The following TANC2 variants were observed in gnomAD, a reference collection of about 807,000 sequenced individuals.
TANC2 encodes the protein protein TANC2.
Under a neutral mutation model 210.5 loss-of-function variants are expected in TANC2, and 26 were observed. That is an observed-to-expected ratio of 0.12 (90% confidence interval 0.09 to 0.17). The LOEUF (loss-of-function observed/expected upper bound fraction) is 0.17. Ranked by LOEUF, TANC2 falls within the 10% of genes least tolerant of loss-of-function variation. The pLI, the probability that TANC2 is intolerant of heterozygous loss-of-function variation, is 1.00. For missense variants in TANC2, 2,129 were observed against 2,608.9 expected (o/e 0.82, Z 4.01); for synonymous variants, 931 against 967.1 (o/e 0.96, Z 0.69).
At chr17:63,105,264 A>G (rs1174696183) in intron 4 of TANC2, among the ~76,000 whole-genome samples, 1 of 151,678 alleles carries the variant, frequency 6.6e-6, no homozygotes, top group East Asian at 1.9e-4. Context: ...CCATGTGGCA[A>G]TCCAATTTGG....
At chr17:63,121,070 A>G (rs942233985) in intron 4 of TANC2, among the ~76,000 whole-genome samples, 1 of 152,098 alleles carries the variant, frequency 6.6e-6, no homozygotes, top group Non-Finnish European at 1.5e-5. Context: ...TTAGAAAATA[A>G]ATACCTCATT....
intron 8 of TANC2, among the ~76,000 whole-genome samples, chr17:63,249,306 A>G (rs2042995376): frequency 6.6e-6 from 1 of 152,194 alleles, no homozygotes; most frequent in Admixed American, 6.6e-5. Context: ...TGTTTTCAAA[A>G]TGTAAATTGC....
rs571172610 is a variant in TANC2 at position 62,978,355 on chromosome 17, G to A, written c.-24+11606G>A. 4 of 152,184 alleles carry A rather than the reference G, an allele frequency of 2.6e-5. No individual in the cohort carries two copies. In the East Asian group the frequency reaches 7.7e-4, roughly 29 times the overall value. 9.4% of individuals were successfully genotyped at this position (152,184 alleles called of 1,614,324 possible). A position where few individuals can be genotyped will look rare whatever the true frequency, so the allele number is the denominator to read the frequency against. The stretch of plus-strand genomic sequence containing the variant: ...TTTTTTGGGGAGAGTTAGGGGCTTC[G>A]TATTGTATTTATACAAAATAGCATA... On this transcript the variant is annotated intron_variant, in intron 1 of 27. Transcript: ENST00000689528.
intron 15 of TANC2, among the ~76,000 whole-genome samples, chr17:63,380,705 A>G (rs572975502): frequency 2.0e-5 from 3 of 152,218 alleles, no homozygotes; most frequent in Non-Finnish European, 4.4e-5. Context: ...CCCACAGGAT[A>G]TTGTTAAAAA....
chr17:63,042,067 A>G (rs185399937), intron 2 of TANC2, among the ~76,000 whole-genome samples: 8 of 152,286 alleles, frequency 5.3e-5, no homozygotes, highest in African/African-American at 1.4e-4. Context: ...TTGGCTAGAT[A>G]GTCTGCTGGA....
intron 17 of TANC2, 184 bp downstream of exon 17, chr17:63,389,728 C>T (rs1463058634): frequency 6.2e-6 from 4 of 648,846 alleles, no homozygotes; most frequent in Non-Finnish European, 1.1e-5. Flanking sequence ...CCTGCAGGAG[C>T]ACACAGTTCT....
intron 2 of TANC2, among the ~76,000 whole-genome samples, chr17:63,032,839 C>T (rs183241715): frequency 6.6e-6 from 1 of 152,082 alleles, no homozygotes; most frequent in African/African-American, 2.4e-5. Flanking sequence ...TTAGTTAGAC[C>T]CCACAGGTTG....
chr17:62,987,644 A>C (rs568140281), intron 1 of TANC2, among the ~76,000 whole-genome samples: 2 of 152,296 alleles, frequency 1.3e-5, no homozygotes, highest in Non-Finnish European at 1.5e-5. Flanking sequence ...GTGGGAAGAT[A>C]GGGCTACAGA....
At chr17:63,265,458 C>T (rs1454096805) in intron 8 of TANC2, among the ~76,000 whole-genome samples, 12 of 152,094 alleles carry the variant, frequency 7.9e-5, no homozygotes, top group Admixed American at 7.9e-4. Flanking sequence ...CTGTGGAATA[C>T]ATATGAATTG....
At chr17:63,161,359 C>CTAAAA (rs1229434800) in intron 5 of TANC2, among the ~76,000 whole-genome samples, 3 of 152,040 alleles carry the variant, frequency 2.0e-5, no homozygotes, top group Non-Finnish European at 2.9e-5. Flanking sequence ...GAGACCATGT[C>CTAAAA]TAAAATAAAA....
At position 63,017,258 on chromosome 17, in the gene TANC2, G is replaced by C. The variant is rs141850201; in HGVS notation, c.67+7632G>C. ...TTTTTAGATTTCATTCATGTTCCTGGTTCATAACAGAAAGGATGACTAATC... is the reference window on the plus strand; with the variant it reads ...TTTTTAGATTTCATTCATGTTCCTGCTTCATAACAGAAAGGATGACTAATC... On this transcript the variant is annotated intron_variant, in intron 2 of 27. Transcript: ENST00000689528. Among the ~76,000 whole-genome samples the C allele has an allele frequency of 3.9e-5, 6 of 152,164 alleles. No homozygotes were observed. The East Asian group carries it at 9.7e-4, about 24-fold the overall frequency.
At chr17:63,317,099 A>G (rs954665523) in intron 10 of TANC2, among the ~76,000 whole-genome samples, 4 of 152,080 alleles carry the variant, frequency 2.6e-5, no homozygotes, top group Admixed American at 1.3e-4. Flanking sequence ...TGTAGTGATA[A>G]TAAAAAAACA....
exon 28 of TANC2, chr17:63,426,952 G>GC (rs1402678233): frequency 6.6e-6 from 1 of 152,148 alleles, no homozygotes; most frequent in Non-Finnish European, 1.5e-5. Flanking sequence ...GAATGTACCT[G>GC]CCTTATTGCA....
chr17:63,001,686 A>C (rs1002762680), intron 1 of TANC2, among the ~76,000 whole-genome samples: 13 of 152,034 alleles, frequency 8.6e-5, no homozygotes, highest in Non-Finnish European at 1.0e-4. Context: ...CTGGGACTAC[A>C]GGTGCATGCC....
intron 4 of TANC2, among the ~76,000 whole-genome samples, chr17:63,111,694 A>C (rs953408421): frequency 1.3e-5 from 2 of 151,944 alleles, no homozygotes; most frequent in Non-Finnish European, 2.9e-5. Context: ...AGATGCTTCC[A>C]TATGTTTATG....
At chr17:63,113,906 T>C (rs751080435) in intron 4 of TANC2, among the ~76,000 whole-genome samples, 5 of 152,188 alleles carry the variant, frequency 3.3e-5, no homozygotes, top group Non-Finnish European at 7.3e-5. Flanking sequence ...TATACCAGAG[T>C]TGGTTGAACA....
chr17:63,402,997 G>A (rs2048389161), intron 19 of TANC2, among the ~76,000 whole-genome samples: 1 of 152,190 alleles, frequency 6.6e-6, no homozygotes, highest in South Asian at 2.1e-4. Flanking sequence ...GCTGAAGGTT[G>A]CTGCCAAATG....
At chr17:62,970,657 A>C (rs2031640833) in intron 1 of TANC2, among the ~76,000 whole-genome samples, 1 of 152,240 alleles carries the variant, frequency 6.6e-6, no homozygotes, top group African/African-American at 2.4e-5. Flanking sequence ...ACAAGTGTGC[A>C]TAAAAGAAAT....
At chr17:63,059,293 C>T (rs2035913947) in intron 2 of TANC2, among the ~76,000 whole-genome samples, 1 of 152,112 alleles carries the variant, frequency 6.6e-6, no homozygotes. Context: ...CACTCAGGAA[C>T]AATTAAACAT....
Sources: allele counts gnomAD v4.1 joint callset (sites outside exome capture counted in the v4.1 genomes callset), GRCh38; gene constraint gnomAD v4.1.1; transcripts MANE v1.5; gene names NCBI Gene and HGNC (gene_info 2026-07-23, HGNC 2026-07-21).